Variants in UGT1A5 observed in about 807,000 individuals in gnomAD.
The protein encoded by UGT1A5 is UDP-glucuronosyltransferase 1A5.
In UGT1A5, 29 loss-of-function variants were observed where a neutral mutation model predicts 40.3. That is an observed-to-expected ratio of 0.72 (90% CI 0.54 to 0.98). UGT1A5 has a LOEUF of 0.98. Ranked by LOEUF, UGT1A5 falls within the 50% of genes least tolerant of loss-of-function variation. UGT1A5 has a pLI of 0.00. For missense variants in UGT1A5, 678 were observed against 677.9 expected, an observed-to-expected ratio of 1.00 and a Z score of 0.00; for synonymous variants, 257 against 262.5, an observed-to-expected ratio of 0.98 and a Z score of 0.20.
intron 1 of UGT1A5, among the ~76,000 whole-genome samples, chr2:233,725,932 G>A (rs2077483924): frequency 6.6e-6 from 1 of 152,164 alleles, no homozygotes. Context: ...TTGGGAGACT[G>A]ATGCAGGAGG....
rs369738416 is a variant in UGT1A5 at position 233,718,805 on chromosome 2, G to A, written c.867+4947G>A. On this transcript the variant is annotated intron_variant, in intron 1 of 4. Transcript: ENST00000373414. The stretch of plus-strand genomic sequence containing the variant: ...AGCGTGGGGTGGACAGTCAGCTGTC[G>A]GTGGCTTCTGCTGAGATGGCCAGAG... 6.6e-5 allele frequency: 107 copies of A among 1,613,182 alleles called. No homozygotes were observed. The African/African-American group carries it at 1.2e-3, about 18-fold the overall frequency.
At chr2:233,724,443 C>A in intron 1 of UGT1A5, among the ~76,000 whole-genome samples, 1 of 122,836 alleles carries the variant, frequency 8.1e-6, no homozygotes, top group Non-Finnish European at 1.7e-5. Flanking sequence ...ACTTCTCAGA[C>A]AGGGCAGCTG....
intron 1 of UGT1A5, among the ~76,000 whole-genome samples, chr2:233,758,427 TCA>T (rs1169945627): frequency 6.6e-6 from 1 of 152,228 alleles, no homozygotes; most frequent in Non-Finnish European, 1.5e-5. Context: ...GCAAATGAAC[TCA>T]CACAGCATTG....
chr2:233,767,889 C>T lies in UGT1A5; in HGVS notation c.1040C>T (p.Ala347Val), dbSNP rs201372184. The change falls in exon 3 of 5, where the codon GCG becomes GTG. Residue 347 changes from alanine (A) to valine (V), a missense_variant. Ala to Val is a moderately conservative substitution (Grantham distance 64). Transcript: ENST00000373414. The part of the protein sequence containing the change: ...RYTGTRPSNL[A>V]NNTILVKWLP... Reference sequence around the variant, plus strand: ...ACTGGAACCCGACCATCGAATCTTGCGAACAACACGATACTTGTTAAGTGG... The same window carrying T: ...ACTGGAACCCGACCATCGAATCTTGTGAACAACACGATACTTGTTAAGTGG... 8.3e-5 allele frequency: 134 copies of T among 1,614,018 alleles called. No homozygotes were observed. Among genetic ancestry groups the T allele is most frequent in the Middle Eastern group, 1.6e-4 (1 of 6,084 alleles).
At chr2:233,761,128 C>T in intron 1 of UGT1A5, 1 of 1,614,190 alleles carries the variant, frequency 6.2e-7, no homozygotes, top group Non-Finnish European at 8.5e-7. Context: ...AATCAACTGC[C>T]TTCACCAAAA....
intron 1 of UGT1A5, chr2:233,729,470 CAATGTTGAACA>C: frequency 6.2e-7 from 1 of 1,614,122 alleles, no homozygotes; most frequent in African/African-American, 1.3e-5. Context: ...AGAAGTATGG[CAATGTTGAACA>C]ATATGTCTTT....
chr2:233,755,056 T>C (rs550232994), intron 1 of UGT1A5: 129 of 1,333,538 alleles, frequency 9.7e-5, no homozygotes, highest in African/African-American at 8.9e-4. Flanking sequence ...CCCTCCGCCC[T>C]CGCCTCGCCA....
intron 1 of UGT1A5, chr2:233,747,256 G>C: frequency 6.2e-7 from 1 of 1,600,772 alleles, no homozygotes; most frequent in Non-Finnish European, 8.5e-7. Flanking sequence ...GCTGGCCACA[G>C]GAGTGCTACT....
chr2:233,767,929 T>C lies in UGT1A5; in HGVS notation c.1080T>C (p.Asp360=). 3.1e-6 allele frequency: 5 copies of C among 1,614,196 alleles called. No individual in the cohort carries two copies. Among genetic ancestry groups the C allele is most frequent in the Non-Finnish European group, 3.4e-6 (4 of 1,180,048 alleles). ...TILVKWLPQN[D]LLGHPMTRAF... is the part of the protein sequence containing the mutation. ...TTGTTAAGTGGCTACCCCAAAACGATCTGCTTGGTATGTTGGGCGGATTGG... is the reference window on the plus strand; with the variant it reads ...TTGTTAAGTGGCTACCCCAAAACGACCTGCTTGGTATGTTGGGCGGATTGG... Residue 360 remains aspartate, a synonymous_variant, in exon 3 of 5, where the codon GAT becomes GAC. Transcript: ENST00000373414.
chr2:233,747,060 A>C (rs1693551800), intron 1 of UGT1A5, among the ~76,000 whole-genome samples: 1 of 151,974 alleles, frequency 6.6e-6, no homozygotes, highest in Non-Finnish European at 1.5e-5. Flanking sequence ...ATGATTGGTT[A>C]ATCGGTAATA....
chr2:233,754,060 T>C (rs141181524), intron 1 of UGT1A5, among the ~76,000 whole-genome samples: 20 of 152,258 alleles, frequency 1.3e-4, no homozygotes, highest in African/African-American at 3.6e-4. Context: ...CCTGCTTTTA[T>C]AAAGCCTGGG....
chr2:233,768,064 A>T, intron 3 of UGT1A5, 128 bp downstream of exon 3: 6 of 1,598,982 alleles, frequency 3.8e-6, no homozygotes, highest in Non-Finnish European at 4.3e-6. Context: ...ATTGCTTTTT[A>T]TCTAGTGGGG....
chr2:233,743,602 G>A (rs1559387317), intron 1 of UGT1A5: 9 of 1,367,156 alleles, frequency 6.6e-6, no homozygotes, highest in African/African-American at 3.0e-5. Flanking sequence ...GGTCCTGGCC[G>A]CCGAAGAACT....
chr2:233,731,651 A>G (rs190900877), intron 1 of UGT1A5, among the ~76,000 whole-genome samples: 118 of 152,290 alleles, frequency 7.7e-4, no homozygotes, highest in Admixed American at 1.5e-3. Context: ...TCCATGGTGT[A>G]TATGTGCCAC....
At position 233,713,774 on chromosome 2, in the gene UGT1A5, T is replaced by C. The variant is rs17862869; in HGVS notation, c.783T>C (p.Phe261=). 0.09 allele frequency: 142,447 copies of C among 1,583,730 alleles called. 8,619 individuals carry two copies. The highest frequency in any genetic ancestry group is 0.18 in the South Asian group (15,805 of 87,196). ...HASVWLFRGD[F]VMDYPRPIMP... Reference sequence around the variant, plus strand: ...CTGTGTGGCTGTTCCGAGGGGACTTTGTGATGGATTACCCCAGGCCGATCA... The same window carrying C: ...CTGTGTGGCTGTTCCGAGGGGACTTCGTGATGGATTACCCCAGGCCGATCA... Residue 261 remains phenylalanine (F), a synonymous_variant, in exon 1 of 5, where the codon TTT becomes TTC. Coordinates refer to ENST00000373414, the MANE Select transcript of UGT1A5 (RefSeq NM_019078.2).
intron 1 of UGT1A5, among the ~76,000 whole-genome samples, chr2:233,731,462 C>A (rs1354411631): frequency 6.6e-6 from 1 of 152,008 alleles, no homozygotes; most frequent in Non-Finnish European, 1.5e-5. Flanking sequence ...CAGGCCCTGG[C>A]GTGTGATGTT....
chr2:233,725,038 C>G lies in UGT1A5; in HGVS notation c.867+11180C>G, dbSNP rs1391626503. On this transcript the variant is annotated intron_variant, in intron 1 of 4. Coordinates refer to ENST00000373414, the MANE Select transcript of UGT1A5 (RefSeq NM_019078.2). ...CAGCAAAACCCGGTCTCCACCAAAA[C>G]CAGTCAGGCGTGGCGGCGCGCGCCT... Among the ~76,000 whole-genome samples, 35 of 148,320 alleles carry G rather than the reference C, an allele frequency of 2.4e-4. 2 individuals carry two copies. Among genetic ancestry groups the G allele is most frequent in the Non-Finnish European group, 4.3e-4 (29 of 67,320 alleles).
At chr2:233,719,056 C>T in intron 1 of UGT1A5, 1 of 1,614,284 alleles carries the variant, frequency 6.2e-7, no homozygotes, top group Non-Finnish European at 8.5e-7. Flanking sequence ...ACCCTGACAG[C>T]CTATGCTGTT....
At chr2:233,759,132 G>A (rs532304308) in intron 1 of UGT1A5, among the ~76,000 whole-genome samples, 12 of 152,322 alleles carry the variant, frequency 7.9e-5, no homozygotes, top group Non-Finnish European at 1.8e-4. Context: ...CCTCTGGTAC[G>A]CAATGAAGGT....
Sources: gnomAD v4.1 joint callset for allele counts (sites outside exome capture counted in the v4.1 genomes callset) on GRCh38, gnomAD v4.1.1 for gene constraint, MANE v1.5 for transcripts, NCBI Gene and HGNC (gene_info 2026-07-23, HGNC 2026-07-21) for gene names.